CSMD1: variants seen among roughly 807,000 people sequenced by gnomAD.
The protein encoded by CSMD1 is CUB and sushi domain-containing protein 1.
CSMD1 carries 213 observed loss-of-function variants against 417.5 expected under a neutral mutation model. The observed-to-expected ratio is 0.51, with a 90% CI of 0.46 to 0.57. The LOEUF is 0.57. Ranked by LOEUF, CSMD1 falls within the 20% of genes least tolerant of loss-of-function variation. The pLI is 0.00. For missense variants in CSMD1, 6,923 were observed against 4,529.7 expected, an observed-to-expected ratio of 1.53 and a Z score of -15.17; for synonymous variants, 2,862 against 1,736.8, an observed-to-expected ratio of 1.65 and a Z score of -16.11.
At chr8:3,640,900 A>C (rs1311245809) in intron 7 of CSMD1, among the ~76,000 whole-genome samples, 1 of 152,110 alleles carries the variant, frequency 6.6e-6, no homozygotes, top group Non-Finnish European at 1.5e-5. Context: ...ATGTGGCATT[A>C]ATCATGGTTT....
chr8:4,369,262 T>C (rs1802265776), intron 3 of CSMD1, among the ~76,000 whole-genome samples: 1 of 152,142 alleles, frequency 6.6e-6, no homozygotes, highest in Admixed American at 6.5e-5. Context: ...CTCTGATGGG[T>C]CTTTCTGATA....
chr8:4,789,537 C>T (rs1003567264), intron 1 of CSMD1, among the ~76,000 whole-genome samples: 26 of 152,126 alleles, frequency 1.7e-4, no homozygotes, highest in African/African-American at 6.0e-4. Flanking sequence ...GTGCATCTAC[C>T]TGGGATCTAC....
intron 5 of CSMD1, among the ~76,000 whole-genome samples, chr8:3,890,286 A>G (rs1384143555): frequency 6.6e-6 from 1 of 152,222 alleles, no homozygotes; most frequent in East Asian, 1.9e-4. Context: ...CTGGGTTTTG[A>G]TTTACTTGAA....
intron 41 of CSMD1, chr8:3,127,932 A>AAGGAAGGAAGGAAGGG (rs1229775542): frequency 6.2e-5 from 8 of 128,442 alleles, no homozygotes; most frequent in African/African-American, 2.4e-4. Flanking sequence ...GGAAGGAAGG[A>AAGGAAGGAAGGAAGGG]AGGGAAGGAA....
intron 50 of CSMD1, among the ~76,000 whole-genome samples, chr8:3,036,321 T>C (rs1243239082): frequency 6.6e-6 from 1 of 152,182 alleles, no homozygotes; most frequent in Admixed American, 6.5e-5. Flanking sequence ...CAGAAACTTA[T>C]CATAAATCTT....
chr8:3,457,150 A>C (rs11136629), intron 12 of CSMD1, among the ~76,000 whole-genome samples: 116,915 of 151,000 alleles, frequency 0.77, 45,599 homozygotes, highest in African/African-American at 0.89. Context: ...GTCACTGAAC[A>C]CCTCATCCTG....
chr8:3,948,147 G>C (rs1260233990), intron 5 of CSMD1, among the ~76,000 whole-genome samples: 5 of 152,174 alleles, frequency 3.3e-5, no homozygotes, highest in Non-Finnish European at 1.5e-5. Context: ...TTAGGTTGCA[G>C]TCAGCTGAGA....
intron 5 of CSMD1, among the ~76,000 whole-genome samples, chr8:3,760,530 C>G (rs1469535936): frequency 6.6e-6 from 1 of 152,198 alleles, no homozygotes; most frequent in East Asian, 1.9e-4. Flanking sequence ...CCTCCCTCAG[C>G]CTCACTTTTC....
At chr8:4,745,949 T>C (rs746010604) in intron 1 of CSMD1, among the ~76,000 whole-genome samples, 2 of 152,236 alleles carry the variant, frequency 1.3e-5, no homozygotes, top group African/African-American at 4.8e-5. Flanking sequence ...CCATTTGGTA[T>C]CTCATCGGTA....
At chr8:3,806,762 G>A (rs533283279) in intron 5 of CSMD1, among the ~76,000 whole-genome samples, 1 of 152,252 alleles carries the variant, frequency 6.6e-6, no homozygotes, top group African/African-American at 2.4e-5. Context: ...GACAAGTAAT[G>A]CAAAATGTTA....
intron 37 of CSMD1, among the ~76,000 whole-genome samples, chr8:3,175,657 C>G (rs935961333): frequency 1.3e-5 from 2 of 148,284 alleles, no homozygotes; most frequent in African/African-American, 5.1e-5. Flanking sequence ...CCCGTTCCCT[C>G]TGCATAGGCT....
intron 9 of CSMD1, among the ~76,000 whole-genome samples, chr8:3,579,191 T>C (rs1800276916): frequency 1.3e-5 from 2 of 152,114 alleles, no homozygotes; most frequent in Non-Finnish European, 1.5e-5. Flanking sequence ...AAATTGAAAA[T>C]ATAAAACGTC....
chr8:4,682,218 T>C (rs1219570675), intron 1 of CSMD1, among the ~76,000 whole-genome samples: 2 of 152,076 alleles, frequency 1.3e-5, no homozygotes, highest in Non-Finnish European at 2.9e-5. Flanking sequence ...TTTGTAGAGA[T>C]GGGATTTCAC....
chr8:2,958,312 C>G lies in CSMD1; in HGVS notation c.9703-505G>C, dbSNP rs545356811. ...GTCTGAGGCGTCTTCCTCACCAGGT[C>G]TTCACAAAGCTAACCCCCACTTAAT... On this transcript the variant is annotated intron_variant, in intron 62 of 69. Coordinates refer to ENST00000635120, the MANE Select transcript of CSMD1 (RefSeq NM_033225.6). Among the ~76,000 whole-genome samples the G allele has an allele frequency of 2.0e-5, 3 of 152,318 alleles. No homozygotes were observed. In the South Asian group the frequency reaches 6.2e-4, roughly 32 times the overall value.
At position 4,162,652 on chromosome 8, in the gene CSMD1, T is replaced by G. The variant is rs79744588; in HGVS notation, c.416-130553A>C. 1.0e-3 allele frequency among the ~76,000 whole-genome samples: 159 copies of G among 152,306 alleles called. No homozygotes were observed. The Middle Eastern group carries it at 0.014, about 13-fold the overall frequency. On this transcript the variant is annotated intron_variant, in intron 3 of 69. Transcript: ENST00000635120. ...GAGTAGAAGGTACACTGATATGTCA[T>G]GTAACACCTGCTCCCATACACAGAG...
chr8:4,700,800 T>C (rs1378361154), intron 1 of CSMD1, among the ~76,000 whole-genome samples: 1 of 152,206 alleles, frequency 6.6e-6, no homozygotes, highest in South Asian at 2.1e-4. Context: ...AGGATATTTC[T>C]GTAGAACGGA....
intron 3 of CSMD1, among the ~76,000 whole-genome samples, chr8:4,307,983 C>A (rs558379875): frequency 1.3e-4 from 20 of 152,112 alleles, no homozygotes; most frequent in African/African-American, 4.8e-4. Context: ...ATTACAGAGG[C>A]TCAAGGAGGC....
At chr8:4,778,348 G>A (rs537546436) in intron 1 of CSMD1, among the ~76,000 whole-genome samples, 1 of 152,026 alleles carries the variant, frequency 6.6e-6, no homozygotes, top group Admixed American at 6.6e-5. Flanking sequence ...TATCCCCATT[G>A]TTTTGATGAT....
chr8:4,796,473 C>A (rs1797988950), intron 1 of CSMD1, among the ~76,000 whole-genome samples: 1 of 149,502 alleles, frequency 6.7e-6, no homozygotes, highest in South Asian at 2.2e-4. Context: ...TCTTTGAGAG[C>A]TTCTTGACAG....
Sources: allele counts gnomAD v4.1 joint callset (sites outside exome capture counted in the v4.1 genomes callset), GRCh38; gene constraint gnomAD v4.1.1; transcripts MANE v1.5; gene names NCBI Gene and HGNC (gene_info 2026-07-23, HGNC 2026-07-21).